Variants in NCKAP5L observed in about 807,000 individuals in gnomAD.
The protein encoded by NCKAP5L is nck-associated protein 5-like.
A neutral mutation model predicts 103.2 loss-of-function variants in NCKAP5L; 54 were observed. The observed-to-expected ratio is 0.52, with a 90% CI of 0.42 to 0.66. NCKAP5L has a LOEUF of 0.66. Among genes scored for constraint, NCKAP5L ranks in the 30% least tolerant of loss-of-function variants. The probability of loss-of-function intolerance (pLI) is 0.00; values close to 1 mark genes in which losing one functional copy is unlikely to be tolerated. For missense variants in NCKAP5L, 1,733 were observed against 1,750.6 expected (o/e 0.99, Z 0.18); for synonymous variants, 762 against 748.6 (o/e 1.02, Z -0.29).
At chr12:49,823,006 C>T (rs968373856) in intron 1 of NCKAP5L, among the ~76,000 whole-genome samples, 4 of 151,554 alleles carry the variant, frequency 2.6e-5, no homozygotes, top group South Asian at 2.1e-4. Flanking sequence ...GTGAGGTGGC[C>T]GGTCAGATGA....
chr12:49,801,903 A>G lies in NCKAP5L; in HGVS notation c.296T>C (p.Met99Thr). Residue 99 changes from methionine to threonine, a missense_variant, in exon 6 of 13, where the codon ATG becomes ACG. Transcript: ENST00000335999. ...TTTCTGCTGAAACAGGGCACTCAGC[A>G]TCTGGTTCTGCCGTTCCAGGTCAAA... Reference protein sequence around the residue: ...RVFDLERQNQMLSALFQQKLQ... With the variant: ...RVFDLERQNQTLSALFQQKLQ... 6.2e-7 allele frequency: 1 copy of G among 1,614,018 alleles called. No individual in the cohort carries two copies. Among genetic ancestry groups the G allele is most frequent in the South Asian group, 1.1e-5 (1 of 91,088 alleles).
chr12:49,795,525 T>C lies in NCKAP5L; in HGVS notation c.2335A>G (p.Lys779Glu). 2 of 1,532,412 alleles carry C rather than the reference T, an allele frequency of 1.3e-6. No homozygotes were observed. The highest frequency in any genetic ancestry group is 1.7e-6 in the Non-Finnish European group (2 of 1,144,064). The allele number at this position is 1,532,412 out of a possible 1,614,324, so 94.9% of individuals were successfully genotyped here. ...CACAGGGCCCCTGCCAGCCGGCTCT[T>C]GGCCAGCTCCACTTTGGTGAGGCAG... is the stretch of plus-strand genomic sequence containing the variant. ...RSCLTKVELA[K>E]SRLAGALCPQ... Residue 779 changes from lysine (K) to glutamate (E), a missense_variant, in exon 8 of 13, where the codon AAG (lysine) becomes GAG (glutamate). By Grantham distance (56) the Lys-to-Glu change is moderately conservative. Coordinates refer to ENST00000335999, the MANE Select transcript of NCKAP5L (RefSeq NM_001037806.4).
At chr12:49,806,687 T>A (rs550704174) in intron 1 of NCKAP5L, among the ~76,000 whole-genome samples, 50 of 152,334 alleles carry the variant, frequency 3.3e-4, no homozygotes, top group African/African-American at 1.2e-3. Flanking sequence ...CCCACTCCTC[T>A]GCACACACCC....
At position 49,813,238 on chromosome 12, in the gene NCKAP5L, G is replaced by A. The variant is rs564888577; in HGVS notation, c.-98-7197C>T. ...AGGAACTGTCAGATTGTTGTCCAGAGCAGGTGTACCATTTTATAATACCAC... is the reference window on the plus strand; with the variant it reads ...AGGAACTGTCAGATTGTTGTCCAGAACAGGTGTACCATTTTATAATACCAC... On this transcript the variant is annotated intron_variant, in intron 1 of 12. Transcript: ENST00000335999. Among the ~76,000 whole-genome samples, 17 of 152,256 alleles carry A rather than the reference G, an allele frequency of 1.1e-4. No individual in the cohort carries two copies. In the South Asian group the frequency reaches 3.5e-3, roughly 32 times the overall value.
chr12:49,795,457 G>A lies in NCKAP5L; in HGVS notation c.2403C>T (p.Ala801=), dbSNP rs1177705368. 6.4e-7 allele frequency: 1 copy of A among 1,560,122 alleles called. No individual in the cohort carries two copies. The highest frequency in any genetic ancestry group is 2.2e-5 in the East Asian group (1 of 44,568). Residue 801 remains alanine, a synonymous_variant, in exon 8 of 13, where the codon GCC becomes GCT. Transcript: ENST00000335999. ...PRTPAKVPTS[A]PSLGKPNKSP... is the part of the protein sequence containing the mutation. ...TCTTATTGGGCTTGCCCAGGCTTGG[G>A]GCTGAGGTTGGCACTTTGGCAGGGG...
At chr12:49,804,398 C>G (rs1946157156) in intron 2 of NCKAP5L, 1 of 170,918 alleles carries the variant, frequency 5.9e-6, no homozygotes, top group Non-Finnish European at 1.2e-5. Context: ...ACCAATATCC[C>G]CTAATCTCAT....
At position 49,797,093 on chromosome 12, in the gene NCKAP5L, T is replaced by A; in HGVS notation, c.767A>T (p.His256Leu). The A allele has an allele frequency of 1.3e-6, 2 of 1,588,208 alleles. No homozygotes were observed. The highest frequency in any genetic ancestry group is 2.3e-5 in the East Asian group (1 of 43,624). Residue 256 changes from histidine (H) to leucine (L), a missense_variant, in exon 8 of 13, where the codon CAC becomes CTC. Transcript: ENST00000335999. The surrounding 1 kb of genome is among the most constrained non-coding windows in gnomAD (Gnocchi z 4.5). The stretch of plus-strand genomic sequence containing the variant: ...CAGACCCCCCAAGAGGCGCTCCCAG[T>A]GCAGCAGGCCTCCCAGGTTGCCAGG... ...LGPGNLGGLL[H>L]WERLLGGLGG...
intron 1 of NCKAP5L, among the ~76,000 whole-genome samples, chr12:49,814,665 A>G (rs540684880): frequency 1.3e-5 from 2 of 152,054 alleles, no homozygotes; most frequent in East Asian, 3.9e-4. Context: ...ATGTATAAAT[A>G]CATACTTAAA....
At chr12:49,811,261 A>G (rs1565593781) in intron 1 of NCKAP5L, among the ~76,000 whole-genome samples, 1 of 152,188 alleles carries the variant, frequency 6.6e-6, no homozygotes, top group Non-Finnish European at 1.5e-5. Flanking sequence ...CCCCACTGTC[A>G]GTCCAGCCTG....
In NCKAP5L at chr12:49,795,960, C is replaced by A. The variant is rs771114732; in HGVS notation, c.1900G>T (p.Gly634Cys). The change falls in exon 8 of 13, where the codon GGC becomes TGC. Residue 634 changes from glycine to cysteine, a missense_variant. Physicochemically the swap from Gly to Cys is radical, Grantham distance 159. Transcript: ENST00000335999. ...DKAGSESPHP[G>C]RRTPGNSSKK... ...GATGAGTTGCCTGGGGTCCTGCGGC[C>A]GGGATGGGGAGACTCCGAGCCTGCC... is the stretch of plus-strand genomic sequence containing the variant. 1 of 1,532,204 alleles carries A rather than the reference C, an allele frequency of 6.5e-7. No individual in the cohort carries two copies. The highest frequency in any genetic ancestry group is 8.7e-7 in the Non-Finnish European group (1 of 1,146,336). 94.9% of individuals were successfully genotyped at this position (1,532,204 alleles called of 1,614,324 possible).
chr12:49,828,047 C>T (rs1348416303), intron 1 of NCKAP5L, among the ~76,000 whole-genome samples: 1 of 144,148 alleles, frequency 6.9e-6, no homozygotes, highest in African/African-American at 2.5e-5. Context: ...AGTTTCCCTT[C>T]CGGGGCCACG....
In NCKAP5L at chr12:49,792,163, G is replaced by T. The variant is rs1945946488; in HGVS notation, c.3793-112C>A. Reference sequence around the variant, plus strand: ...GCACCTGATGGGGGGCTGCTCCAGAGGGGGCCCAAGGTGGGGTATACTTCA... The same window carrying T: ...GCACCTGATGGGGGGCTGCTCCAGATGGGGCCCAAGGTGGGGTATACTTCA... On this transcript the variant is annotated intron_variant, in intron 12 of 12. Coordinates refer to ENST00000335999, the MANE Select transcript of NCKAP5L (RefSeq NM_001037806.4). This position sits in a 1 kb window ranked among gnomAD's most constrained non-coding sequence, Gnocchi z 4.5. 2 of 1,092,276 alleles carry T rather than the reference G, an allele frequency of 1.8e-6. No homozygotes were observed. Among genetic ancestry groups the T allele is most frequent in the Non-Finnish European group, 2.6e-6 (2 of 766,682 alleles). The allele number at this position is 1,092,276 out of a possible 1,614,324, so 67.7% of individuals were successfully genotyped here.
At chr12:49,818,021 T>C (rs1946317886) in intron 1 of NCKAP5L, among the ~76,000 whole-genome samples, 1 of 151,490 alleles carries the variant, frequency 6.6e-6, no homozygotes, top group Non-Finnish European at 1.5e-5. Flanking sequence ...TCCAGCTACT[T>C]GGGAGGCAGA....
chr12:49,812,185 C>T (rs962476743), intron 1 of NCKAP5L, among the ~76,000 whole-genome samples: 5 of 152,124 alleles, frequency 3.3e-5, no homozygotes, highest in South Asian at 2.1e-4. Flanking sequence ...TTCCTTAACA[C>T]TGCCCCCTCC....
chr12:49,817,870 T>C (rs1212076912), intron 1 of NCKAP5L, among the ~76,000 whole-genome samples: 10 of 152,234 alleles, frequency 6.6e-5, no homozygotes, highest in Non-Finnish European at 1.5e-4. Flanking sequence ...TGCTCATGCC[T>C]ATCATCCCAG....
chr12:49,796,454 G>T lies in NCKAP5L; in HGVS notation c.1406C>A (p.Pro469His). The T allele has an allele frequency of 6.5e-7, 1 of 1,536,622 alleles. No homozygotes were observed. Among genetic ancestry groups the T allele is most frequent in the East Asian group, 2.3e-5 (1 of 43,994 alleles). ...ACTGAGCTGCGGGCCTCCTGGGCTG[G>T]GGCTCTTCTCCGAGGTTGGAGGCAG... ...LKLPPTSEKS[P>H]SPGGPQLSPQ... Residue 469 changes from proline (P) to histidine (H), a missense_variant, in exon 8 of 13, where the codon CCC becomes CAC. By Grantham distance (77) the Pro-to-His change is moderately conservative (BLOSUM62 -2). Transcript: ENST00000335999.
At position 49,796,291 on chromosome 12, in the gene NCKAP5L, A is replaced by AG; in HGVS notation, c.1568dup (p.Ser524PhefsTer34). 1 of 1,546,850 alleles carries AG rather than the reference A, an allele frequency of 6.5e-7. No homozygotes were observed. The highest frequency in any genetic ancestry group is 8.7e-7 in the Non-Finnish European group (1 of 1,145,762). On this transcript the variant is annotated frameshift_variant, in exon 8 of 13. Coordinates refer to ENST00000335999, the MANE Select transcript of NCKAP5L (RefSeq NM_001037806.4). LOFTEE classifies it high-confidence loss of function. ...AGTCTGGGGTTGTGTAGCAGGGTGA[A>AG]GGGCTGGTGGGCAGGCCTTGCGCCC... is the stretch of plus-strand genomic sequence containing the variant.
chr12:49,812,969 A>G (rs2137028922), intron 1 of NCKAP5L, among the ~76,000 whole-genome samples: 1 of 152,330 alleles, frequency 6.6e-6, no homozygotes, highest in Non-Finnish European at 1.5e-5. Context: ...CAGGCTTCTT[A>G]TAATATCTAA....
At chr12:49,807,656 A>C (rs1461817313) in intron 1 of NCKAP5L, among the ~76,000 whole-genome samples, 1 of 152,270 alleles carries the variant, frequency 6.6e-6, no homozygotes, top group East Asian at 1.9e-4. Context: ...AAAATATTTA[A>C]GAATTATCTT....
Sources: allele counts gnomAD v4.1 joint callset (sites outside exome capture counted in the v4.1 genomes callset), GRCh38; gene constraint gnomAD v4.1.1; non-coding constraint Gnocchi (gnomAD v3.1); transcripts MANE v1.5; gene names NCBI Gene and HGNC (gene_info 2026-07-23, HGNC 2026-07-21).